CASK: variants seen among roughly 807,000 people sequenced by gnomAD.
CASK encodes calcium/calmodulin dependent serine protein kinase, also known as peripheral plasma membrane protein CASK.
Under a neutral mutation model 82.9 loss-of-function variants are expected in CASK, and 4 were observed. The observed-to-expected ratio is 0.05, with a 90% CI of 0.02 to 0.11. The LOEUF (loss-of-function observed/expected upper bound fraction) is 0.11, where lower values mean the gene tolerates loss of function less well. Among genes scored for constraint, CASK ranks in the 10% least tolerant of loss-of-function variants. CASK has a pLI of 1.00. For synonymous variants in CASK, 259 were observed against 253.5 expected, an observed-to-expected ratio of 1.02 and a Z score of -0.20; for missense variants, 358 against 720.9, an observed-to-expected ratio of 0.50 and a Z score of 5.76.
At chrX:41,822,557 C>CAAAAAAAAAAAAAAAAAAAAAAAA (rs61374081) in intron 2 of CASK, among the ~76,000 whole-genome samples, 4 of 50,667 alleles carry the variant, frequency 7.9e-5, no homozygotes, top group Non-Finnish European at 9.6e-5. Context: ...GACTCCGTCT[C>CAAAAAAAAAAAAAAAAAAAAAAAA]AAAAAAAAAA....
At chrX:41,575,902 C>T (rs1030028610) in intron 15 of CASK, among the ~76,000 whole-genome samples, 6 of 111,122 alleles carry the variant, frequency 5.4e-5, no homozygotes, top group Admixed American at 9.5e-5. Flanking sequence ...GACCATTTTA[C>T]GCTTTCTGAA....
intron 25 of CASK, among the ~76,000 whole-genome samples, chrX:41,528,967 G>A (rs1031532472): frequency 8.9e-6 from 1 of 112,486 alleles, no homozygotes; most frequent in Non-Finnish European, 1.9e-5. Flanking sequence ...GGACTGGCAT[G>A]AGGCTGGCCT....
At chrX:41,625,084 G>GGGTTTTTA in intron 10 of CASK, among the ~76,000 whole-genome samples, 1 of 110,776 alleles carries the variant, frequency 9.0e-6, no homozygotes, top group East Asian at 2.8e-4. Flanking sequence ...TGGACCCTAT[G>GGGTTTTTA]GGTTTTTAGT....
At chrX:41,635,709 T>TC (rs1398764408) in intron 9 of CASK, 1 of 98,222 alleles carries the variant, frequency 1.0e-5, no homozygotes, top group Non-Finnish European at 2.0e-5. Context: ...TTCTTCTTCT[T>TC]TTTTTTTTTT....
chrX:41,627,458 T>C (rs2066398169), intron 9 of CASK, among the ~76,000 whole-genome samples: 1 of 111,836 alleles, frequency 8.9e-6, no homozygotes, highest in Non-Finnish European at 1.9e-5. Context: ...TTTGGTTACA[T>C]GGATAAATGG....
intron 1 of CASK, among the ~76,000 whole-genome samples, chrX:41,879,395 G>A (rs1211469030): frequency 1.8e-5 from 2 of 111,129 alleles, no homozygotes; most frequent in African/African-American, 6.5e-5. Context: ...ATTAGGTGCA[G>A]TAAGAGACTA....
chrX:41,739,547 A>G, intron 4 of CASK, 91 bp from the exon 5 acceptor site: 1 of 574,898 alleles, frequency 1.7e-6, no homozygotes, highest in South Asian at 2.5e-5. Flanking sequence ...TCCCACTCTC[A>G]TATTAGCTGT....
chrX:41,579,811 A>G (rs1286338581), intron 14 of CASK, among the ~76,000 whole-genome samples: 1 of 111,640 alleles, frequency 9.0e-6, no homozygotes, highest in Non-Finnish European at 1.9e-5. Context: ...TTAATTTTAA[A>G]GGCATGCATA....
chrX:41,830,542 C>T (rs1187393737), intron 2 of CASK, among the ~76,000 whole-genome samples: 10 of 111,252 alleles, frequency 9.0e-5, no homozygotes, highest in East Asian at 2.8e-4. Context: ...GATAGATGGC[C>T]GGGTGCGGTG....
intron 12 of CASK, among the ~76,000 whole-genome samples, chrX:41,597,213 C>T (rs1464117230): frequency 8.9e-6 from 1 of 111,822 alleles, no homozygotes; most frequent in Non-Finnish European, 1.9e-5. Context: ...AGTTGTATGT[C>T]CCACTAACTT....
intron 2 of CASK, among the ~76,000 whole-genome samples, chrX:41,841,915 T>C (rs2071047791): frequency 8.9e-6 from 1 of 112,137 alleles, no homozygotes; most frequent in South Asian, 3.7e-4. Context: ...TGCTTGTGCT[T>C]TAGGTGTAAT....
At chrX:41,597,413 GTT>G (rs763450238) in intron 12 of CASK, among the ~76,000 whole-genome samples, 1 of 112,491 alleles carries the variant, frequency 8.9e-6, no homozygotes, top group African/African-American at 3.2e-5. Flanking sequence ...AAGAATGAAA[GTT>G]TGCAAGAATC....
At chrX:41,577,213 T>G (rs1349059615) in intron 15 of CASK, among the ~76,000 whole-genome samples, 2 of 112,312 alleles carry the variant, frequency 1.8e-5, no homozygotes, top group East Asian at 5.6e-4. Context: ...GGGCTGTGCT[T>G]GATCTTTGCT....
chrX:41,864,572 A>G (rs1452547425), intron 1 of CASK, among the ~76,000 whole-genome samples: 4 of 111,814 alleles, frequency 3.6e-5, no homozygotes, highest in African/African-American at 1.3e-4. Context: ...CAAATTATGA[A>G]ATTGAAATGG....
intron 5 of CASK, among the ~76,000 whole-genome samples, chrX:41,684,141 G>A (rs978920882): frequency 8.9e-6 from 1 of 112,211 alleles, no homozygotes; most frequent in Non-Finnish European, 1.9e-5. Flanking sequence ...ACTTGTGAGT[G>A]GAAGTTTGAA....
intron 2 of CASK, among the ~76,000 whole-genome samples, chrX:41,822,425 G>A (rs1243437429): frequency 9.2e-6 from 1 of 108,840 alleles, no homozygotes; most frequent in Non-Finnish European, 1.9e-5. Flanking sequence ...GGGCGTGGTG[G>A]TGTGCACCTG....
intron 2 of CASK, among the ~76,000 whole-genome samples, chrX:41,790,656 G>A (rs1233290473): frequency 8.9e-6 from 1 of 111,735 alleles, no homozygotes; most frequent in Non-Finnish European, 1.9e-5. Context: ...GACTTGATTT[G>A]CTAGTATGAA....
intron 8 of CASK, among the ~76,000 whole-genome samples, chrX:41,658,028 A>C (rs2066971173): frequency 9.0e-6 from 1 of 110,881 alleles, no homozygotes; most frequent in Admixed American, 9.6e-5. Flanking sequence ...TATAGTAATA[A>C]GGCCTCCATA....
chrX:41,616,173 C>CT (rs751462472), intron 11 of CASK, among the ~76,000 whole-genome samples: 1 of 111,536 alleles, frequency 9.0e-6, no homozygotes, highest in Admixed American at 9.5e-5. Context: ...CTTGTTCACT[C>CT]TTTTTTTCCC....
Sources: gnomAD v4.1 joint callset for allele counts (sites outside exome capture counted in the v4.1 genomes callset) on GRCh38, gnomAD v4.1.1 for gene constraint, MANE v1.5 for transcripts, NCBI Gene and HGNC (gene_info 2026-07-23, HGNC 2026-07-21) for gene names.